The following TAFA1 variants were observed in gnomAD, a reference collection of about 807,000 sequenced individuals.
TAFA1 encodes the protein chemokine-like protein TAFA-1.
A neutral mutation model predicts 18.5 loss-of-function variants in TAFA1; 4 were observed. The observed-to-expected ratio is 0.22, with a 90% CI of 0.11 to 0.49. The LOEUF (loss-of-function observed/expected upper bound fraction) is 0.49. TAFA1 is among the 20% of genes least tolerant of loss of function. TAFA1 has a pLI of 0.98. For synonymous variants in TAFA1, 56 were observed against 55.2 expected, an observed-to-expected ratio of 1.01 and a Z score of -0.06; for missense variants, 147 against 169.0, an observed-to-expected ratio of 0.87 and a Z score of 0.72.
In TAFA1 at chr3:68,538,832, C is replaced by T. The variant is rs1285991842; in HGVS notation, c.336C>T (p.Asp112=). The part of the protein sequence containing the change: ...LEGEECKTLP[D]NSGWMCATGN... ...GAGAAGAATGTAAGACACTCCCTGA[C>T]AATTCTGGATGGATGTGCGCAACAG... The change falls in exon 4 of 5, where the codon GAC becomes GAT. Residue 112 remains aspartate, a synonymous_variant. Coordinates refer to ENST00000478136, the MANE Select transcript of TAFA1 (RefSeq NM_213609.4). 1 of 1,613,418 alleles carries T rather than the reference C, an allele frequency of 6.2e-7. No individual in the cohort carries two copies. Among genetic ancestry groups the T allele is most frequent in the Admixed American group, 1.7e-5 (1 of 59,906 alleles).
intron 2 of TAFA1, among the ~76,000 whole-genome samples, chr3:68,207,886 G>A (rs2066546000): frequency 6.6e-6 from 1 of 151,852 alleles, no homozygotes; most frequent in Admixed American, 6.6e-5. Flanking sequence ...AGGCCACACA[G>A]TAAATAAAGA....
chr3:68,457,151 G>T (rs2071681427), intron 3 of TAFA1, among the ~76,000 whole-genome samples: 2 of 152,128 alleles, frequency 1.3e-5, no homozygotes, highest in Admixed American at 6.5e-5. Context: ...ACTGTAGGGG[G>T]CTACAAAATT....
chr3:68,516,858 C>T (rs947522143), intron 3 of TAFA1, among the ~76,000 whole-genome samples: 7 of 152,142 alleles, frequency 4.6e-5, no homozygotes, highest in African/African-American at 1.7e-4. Flanking sequence ...TCTGCAACCT[C>T]CACGTCCTGG....
At chr3:68,029,900 G>T (rs1260200231) in intron 2 of TAFA1, among the ~76,000 whole-genome samples, 2 of 152,124 alleles carry the variant, frequency 1.3e-5, no homozygotes, top group Non-Finnish European at 2.9e-5. Flanking sequence ...TCAGAAATTG[G>T]TATGGGACGA....
intron 2 of TAFA1, among the ~76,000 whole-genome samples, chr3:68,050,523 G>T (rs2064456099): frequency 6.6e-6 from 1 of 152,140 alleles, no homozygotes. Context: ...AAGATTAAAT[G>T]AGTTTGCTGA....
chr3:68,424,941 T>C (rs2071023693), intron 3 of TAFA1, among the ~76,000 whole-genome samples: 1 of 151,986 alleles, frequency 6.6e-6, no homozygotes, highest in Non-Finnish European at 1.5e-5. Context: ...CTATGATTTG[T>C]TTTTTAGGAA....
chr3:68,238,700 T>C (rs2066959863), intron 2 of TAFA1, among the ~76,000 whole-genome samples: 1 of 152,222 alleles, frequency 6.6e-6, no homozygotes, highest in Admixed American at 6.5e-5. Context: ...AAAAGTTTTG[T>C]AATATCTTAA....
intron 2 of TAFA1, among the ~76,000 whole-genome samples, chr3:68,130,892 T>A (rs2106880956): frequency 6.6e-6 from 1 of 152,284 alleles, no homozygotes; most frequent in East Asian, 1.9e-4. Context: ...AGTCTTCTTA[T>A]CCTTTTCTAG....
At chr3:68,123,837 C>G (rs1290596995) in intron 2 of TAFA1, among the ~76,000 whole-genome samples, 2 of 129,064 alleles carry the variant, frequency 1.5e-5, no homozygotes, top group African/African-American at 6.1e-5. Context: ...AGGATATCTA[C>G]CCTGAGTTTA....
intron 3 of TAFA1, among the ~76,000 whole-genome samples, chr3:68,514,238 G>A (rs997231988): frequency 3.3e-5 from 5 of 152,114 alleles, no homozygotes; most frequent in African/African-American, 1.2e-4. Flanking sequence ...AAGTATATTT[G>A]GAAAGATTAA....
chr3:68,293,901 C>A (rs748048722), intron 2 of TAFA1, among the ~76,000 whole-genome samples: 3 of 152,092 alleles, frequency 2.0e-5, no homozygotes, highest in Admixed American at 6.6e-5. Context: ...GAAAAGAGAA[C>A]CTTGTCAAAA....
At chr3:68,146,758 CA>C (rs2065745620) in intron 2 of TAFA1, among the ~76,000 whole-genome samples, 1 of 152,136 alleles carries the variant, frequency 6.6e-6, no homozygotes, top group South Asian at 2.1e-4. Flanking sequence ...AGAGGTCTGC[CA>C]GGGTAAGCAT....
chr3:68,438,133 C>A (rs75899003), intron 3 of TAFA1, among the ~76,000 whole-genome samples: 18,306 of 152,044 alleles, frequency 0.12, 1,537 homozygotes, highest in East Asian at 0.34. Context: ...TGGAGCTGGG[C>A]AGATTGCTTG....
At position 68,410,002 on chromosome 3, in the gene TAFA1, T is replaced by C. The variant is rs533239427; in HGVS notation, c.119-7278T>C. Among the ~76,000 whole-genome samples, 25 of 152,306 alleles carry C rather than the reference T, an allele frequency of 1.6e-4. No individual in the cohort carries two copies. The Middle Eastern group carries it at 0.01, about 62-fold the overall frequency. On this transcript the variant is annotated intron_variant, in intron 2 of 4. Transcript: ENST00000478136. ...TTTATCTTCCTTATTTCCTCACTTG[T>C]ACAGCTCAAGACAGTGATGCATTGA...
chr3:68,265,011 T>G (rs1003374282), intron 2 of TAFA1, among the ~76,000 whole-genome samples: 1 of 152,186 alleles, frequency 6.6e-6, no homozygotes, highest in African/African-American at 2.4e-5. Flanking sequence ...TGAAAATGTA[T>G]GCAAAAATTG....
chr3:68,269,584 GA>G (rs2067620946), intron 2 of TAFA1, among the ~76,000 whole-genome samples: 1 of 152,162 alleles, frequency 6.6e-6, no homozygotes, highest in African/African-American at 2.4e-5. Context: ...AACACTTTGA[GA>G]AGTTTCAAGA....
intron 2 of TAFA1, among the ~76,000 whole-genome samples, chr3:68,149,580 G>T (rs1418912343): frequency 2.0e-5 from 3 of 152,154 alleles, no homozygotes; most frequent in African/African-American, 7.2e-5. Flanking sequence ...GTGTCAGGCT[G>T]TAGTTTACAG....
chr3:68,240,879 A>G (rs1467906322), intron 2 of TAFA1, among the ~76,000 whole-genome samples: 1 of 152,188 alleles, frequency 6.6e-6, no homozygotes, highest in Admixed American at 6.5e-5. Flanking sequence ...CTGTACAGAG[A>G]CAGAGAGCAA....
At chr3:68,390,563 G>A (rs868820928) in intron 2 of TAFA1, among the ~76,000 whole-genome samples, 1 of 152,230 alleles carries the variant, frequency 6.6e-6, no homozygotes, top group Non-Finnish European at 1.5e-5. Flanking sequence ...CTGATGGGGA[G>A]ACACCTCCCA....
Sources: allele counts gnomAD v4.1 joint callset (sites outside exome capture counted in the v4.1 genomes callset), GRCh38; gene constraint gnomAD v4.1.1; transcripts MANE v1.5; gene names NCBI Gene and HGNC (gene_info 2026-07-23, HGNC 2026-07-21).